The following RBFOX1 variants were observed in gnomAD, a reference collection of about 807,000 sequenced individuals.
RBFOX1 encodes the protein RNA binding fox-1 homolog 1.
RBFOX1 carries 8 observed loss-of-function variants against 57.7 expected under a neutral mutation model. The ratio of observed to expected loss-of-function variants is 0.14; its 90% CI spans 0.08 to 0.25. The LOEUF is 0.25. Ranked by LOEUF, RBFOX1 falls within the 10% of genes least tolerant of loss-of-function variation. The probability of loss-of-function intolerance (pLI) is 1.00; values close to 1 mark genes in which losing one functional copy is unlikely to be tolerated. For missense variants in RBFOX1, 611 were observed against 548.5 expected (o/e 1.11, Z -1.14); for synonymous variants, 326 against 222.4 (o/e 1.47, Z -4.15).
At chr16:6,724,696 G>A (rs922332994) in intron 3 of RBFOX1, among the ~76,000 whole-genome samples, 21 of 152,080 alleles carry the variant, frequency 1.4e-4, no homozygotes, top group Non-Finnish European at 2.5e-4. Context: ...ACATTTAAGA[G>A]TTCAGATTAG....
intron 1 of RBFOX1, among the ~76,000 whole-genome samples, chr16:6,272,263 A>G (rs1425817100): frequency 6.6e-6 from 1 of 152,132 alleles, no homozygotes; most frequent in East Asian, 1.9e-4. Flanking sequence ...CATGGCAAAA[A>G]CTGTCAGAAA....
intron 3 of RBFOX1, among the ~76,000 whole-genome samples, chr16:6,673,083 A>G (rs1178302005): frequency 6.6e-6 from 1 of 152,190 alleles, no homozygotes; most frequent in Non-Finnish European, 1.5e-5. Context: ...GTTGGAATAG[A>G]GATTGGTCAC....
intron 3 of RBFOX1, among the ~76,000 whole-genome samples, chr16:6,904,599 TA>T (rs71147623): frequency 0.43 from 27,297 of 63,792 alleles, 4,590 homozygotes; most frequent in East Asian, 0.64. Context: ...AGACTCTCTC[TA>T]AAAAAAAAAA....
At chr16:7,533,415 T>A (rs996770366) in intron 5 of RBFOX1, among the ~76,000 whole-genome samples, 85 of 151,470 alleles carry the variant, frequency 5.6e-4, no homozygotes, top group African/African-American at 7.2e-4. Context: ...CCTGCATTTT[T>A]TAAAAAAAAA....
chr16:6,491,951 C>G (rs1056095606), intron 2 of RBFOX1, among the ~76,000 whole-genome samples: 3 of 152,040 alleles, frequency 2.0e-5, no homozygotes, highest in African/African-American at 7.2e-5. Context: ...TTCTTATCAT[C>G]TTGGCAAATT....
intron 3 of RBFOX1, among the ~76,000 whole-genome samples, chr16:5,612,117 A>T (rs925277919): frequency 6.6e-6 from 1 of 150,462 alleles, no homozygotes; most frequent in South Asian, 2.1e-4. Flanking sequence ...TCATTCATTC[A>T]TCTACTCTCC....
At chr16:6,214,453 A>G in intron 1 of RBFOX1, among the ~76,000 whole-genome samples, 1 of 133,394 alleles carries the variant, frequency 7.5e-6, no homozygotes, top group Non-Finnish European at 1.6e-5. Flanking sequence ...AGAAGGTGAG[A>G]GGGAGAGCGA....
chr16:6,688,527 A>G (rs2059766837), intron 3 of RBFOX1, among the ~76,000 whole-genome samples: 1 of 152,170 alleles, frequency 6.6e-6, no homozygotes, highest in Non-Finnish European at 1.5e-5. Context: ...AGGTTGAGCA[A>G]AGTAACTTCC....
At chr16:6,951,733 T>A (rs1233160287) in intron 3 of RBFOX1, among the ~76,000 whole-genome samples, 2 of 152,136 alleles carry the variant, frequency 1.3e-5, no homozygotes, top group African/African-American at 4.8e-5. Flanking sequence ...CACTTCTCTC[T>A]TTTTTCTCTC....
chr16:6,589,341 T>C (rs1320400804), intron 2 of RBFOX1, among the ~76,000 whole-genome samples: 1 of 152,118 alleles, frequency 6.6e-6, no homozygotes, highest in African/African-American at 2.4e-5. Flanking sequence ...GACCAGCGTG[T>C]TGTTATTACT....
chr16:7,567,188 TCCATATATATATCCCTATATAA>T, intron 5 of RBFOX1, among the ~76,000 whole-genome samples: 2 of 147,474 alleles, frequency 1.4e-5, no homozygotes, highest in Non-Finnish European at 3.0e-5. Context: ...TATATAAATA[TCCATATATATATCCCTATATAA>T]ATATCCATAT....
chr16:7,519,207 C>A (rs1391286687), intron 5 of RBFOX1, among the ~76,000 whole-genome samples: 1 of 152,184 alleles, frequency 6.6e-6, no homozygotes, highest in Non-Finnish European at 1.5e-5. Flanking sequence ...TTTGCAGCCA[C>A]TCCTCATTCA....
intron 4 of RBFOX1, among the ~76,000 whole-genome samples, chr16:7,137,295 C>T (rs1214107891): frequency 6.6e-6 from 1 of 152,120 alleles, no homozygotes; most frequent in Non-Finnish European, 1.5e-5. Context: ...GCTGTGTCCC[C>T]AGCCAAATGT....
At chr16:5,435,403 G>A (rs1015487504) in intron 1 of RBFOX1, among the ~76,000 whole-genome samples, 40 of 152,176 alleles carry the variant, frequency 2.6e-4, no homozygotes, top group Admixed American at 1.3e-4. Context: ...ATGTGTAGGA[G>A]TGGAGCTTAG....
chr16:6,182,233 T>C (rs183102415), intron 1 of RBFOX1, among the ~76,000 whole-genome samples: 14 of 152,336 alleles, frequency 9.2e-5, no homozygotes, highest in African/African-American at 3.4e-4. Context: ...TTAAGTAAGT[T>C]ACTGGAAGAT....
At chr16:7,097,474 G>T (rs772633666) in intron 4 of RBFOX1, among the ~76,000 whole-genome samples, 1 of 152,176 alleles carries the variant, frequency 6.6e-6, no homozygotes. Flanking sequence ...GAGGAGGACA[G>T]TAAGAGAGTG....
chr16:7,004,002 T>C (rs1265709253), intron 3 of RBFOX1: 1 of 151,856 alleles, frequency 6.6e-6, no homozygotes, highest in Admixed American at 6.6e-5. Flanking sequence ...TTTTTTTTTT[T>C]TTTATAAAAA....
At chr16:6,310,616 A>G (rs11077030) in intron 1 of RBFOX1, among the ~76,000 whole-genome samples, 11,726 of 152,232 alleles carry the variant, frequency 0.077, 485 homozygotes, top group African/African-American at 0.12. Context: ...AACTAATAAG[A>G]TAACTGACTT....
At chr16:5,395,963 C>T (rs2066541317) in intron 1 of RBFOX1, among the ~76,000 whole-genome samples, 1 of 152,158 alleles carries the variant, frequency 6.6e-6, no homozygotes, top group Admixed American at 6.5e-5. Flanking sequence ...GATTTTTCCC[C>T]ATTTAAGCCT....
Sources: allele counts gnomAD v4.1 joint callset (sites outside exome capture counted in the v4.1 genomes callset), GRCh38; gene constraint gnomAD v4.1.1; transcripts MANE v1.5; gene names NCBI Gene and HGNC (gene_info 2026-07-23, HGNC 2026-07-21).